ATRNL1: variants seen among roughly 807,000 people sequenced by gnomAD.
ATRNL1 encodes the protein attractin like 1.
Under a neutral mutation model 182.7 loss-of-function variants are expected in ATRNL1, and 95 were observed. That is an observed-to-expected ratio of 0.52 (90% CI 0.44 to 0.62). The LOEUF (loss-of-function observed/expected upper bound fraction) is 0.62. Ranked by LOEUF, ATRNL1 falls within the 20% of genes least tolerant of loss-of-function variation. The probability of loss-of-function intolerance (pLI) is 0.00; values close to 1 mark genes in which losing one functional copy is unlikely to be tolerated. For synonymous variants in ATRNL1, 576 were observed against 568.3 expected (o/e 1.01, Z -0.19); for missense variants, 1,471 against 1,679.5 (o/e 0.88, Z 2.17).
Position 115,278,925 on chromosome 10 carries a change from G to A in ATRNL1, c.2101-2430G>A, listed in dbSNP as rs570765238. 7.9e-5 allele frequency among the ~76,000 whole-genome samples: 12 copies of A among 152,032 alleles called. No individual in the cohort carries two copies. The South Asian group carries it at 1.7e-3, about 21-fold the overall frequency. On this transcript the variant is annotated intron_variant, in intron 13 of 28. Coordinates refer to ENST00000355044, the MANE Select transcript of ATRNL1 (RefSeq NM_207303.4). ...GAACATATAAGACTTGAGAGGGGCC[G>A]GGCACAGTGGCATACACCTGTAATC...
intron 5 of ATRNL1, among the ~76,000 whole-genome samples, chr10:115,156,562 A>G (rs1247828625): frequency 2.0e-5 from 3 of 152,128 alleles, no homozygotes; most frequent in Non-Finnish European, 4.4e-5. Flanking sequence ...TTTTCCCTTA[A>G]AAAATCTCTC....
intron 26 of ATRNL1, among the ~76,000 whole-genome samples, chr10:115,701,051 T>G (rs1467574834): frequency 6.6e-6 from 1 of 152,076 alleles, no homozygotes; most frequent in African/African-American, 2.4e-5. Context: ...AACCCCATGC[T>G]TGGTCATAAA....
At position 115,446,225 on chromosome 10, in the gene ATRNL1, A is replaced by G. The variant is rs544850723; in HGVS notation, c.3323-15716A>G. On this transcript the variant is annotated intron_variant, in intron 21 of 28. Coordinates refer to ENST00000355044, the MANE Select transcript of ATRNL1 (RefSeq NM_207303.4). ...ATTTTTCTGTGTATCATTTCTCTTG[A>G]GTGATTTTCATCTCTATTTCTATTT... Among the ~76,000 whole-genome samples the G allele has an allele frequency of 2.0e-5, 3 of 152,018 alleles. No homozygotes were observed. The East Asian group carries it at 5.8e-4, about 29-fold the overall frequency.
chr10:115,355,643 A>T (rs1426508514), intron 19 of ATRNL1, among the ~76,000 whole-genome samples: 2 of 151,986 alleles, frequency 1.3e-5, no homozygotes, highest in African/African-American at 2.4e-5. Flanking sequence ...TACAGACATT[A>T]AAAAAAATTC....
intron 27 of ATRNL1, 121 bp from the exon 28 acceptor site, chr10:115,847,756 C>T: frequency 1.6e-6 from 1 of 640,404 alleles, no homozygotes; most frequent in Non-Finnish European, 2.9e-6. Flanking sequence ...TAAAATAACA[C>T]ATGGTGTGTC....
At chr10:115,174,442 A>G (rs1275491561) in intron 8 of ATRNL1, among the ~76,000 whole-genome samples, 1 of 151,746 alleles carries the variant, frequency 6.6e-6, no homozygotes, top group African/African-American at 2.4e-5. Context: ...TCAACCTCCA[A>G]TTTATAGGAT....
intron 26 of ATRNL1, among the ~76,000 whole-genome samples, chr10:115,691,882 A>G (rs1442182427): frequency 6.6e-6 from 1 of 152,074 alleles, no homozygotes; most frequent in Non-Finnish European, 1.5e-5. Flanking sequence ...TACCAGGTAT[A>G]TAGTTTGCAA....
chr10:115,469,260 C>G lies in ATRNL1; in HGVS notation c.3585C>G (p.Asn1195Lys). The change falls in exon 24 of 29, where the codon AAC (asparagine) becomes AAG (lysine). Residue 1195 changes from asparagine to lysine, a missense_variant. Around this residue, in one of 3 missense-constraint regions of ATRNL1, gnomAD observed 437 missense variants for 506.0 expected, o/e 0.86. Transcript: ENST00000355044. ...ATAGTTTTTCCTATGAAAAATTTAACTTTAGAAGCAATCCTAACATTACAT... is the reference window on the plus strand; with the variant it reads ...ATAGTTTTTCCTATGAAAAATTTAAGTTTAGAAGCAATCCTAACATTACAT... ...YRDSFSYEKF[N>K]FRSNPNITFY... The G allele has an allele frequency of 6.6e-7, 1 of 1,522,836 alleles. No homozygotes were observed. The highest frequency in any genetic ancestry group is 8.8e-7 in the Non-Finnish European group (1 of 1,134,084). 94.3% of individuals were successfully genotyped at this position (1,522,836 alleles called of 1,614,324 possible). A position where few individuals can be genotyped will look rare whatever the true frequency, so the allele number is the denominator to read the frequency against.
At chr10:115,629,761 A>G (rs1181930723) in intron 26 of ATRNL1, among the ~76,000 whole-genome samples, 3 of 152,078 alleles carry the variant, frequency 2.0e-5, no homozygotes, top group Admixed American at 6.6e-5. Flanking sequence ...ACTCTTTATT[A>G]TAGTTTAAAC....
At chr10:115,369,198 T>G (rs1388938838) in intron 19 of ATRNL1, among the ~76,000 whole-genome samples, 1 of 151,074 alleles carries the variant, frequency 6.6e-6, no homozygotes, top group Admixed American at 6.6e-5. Flanking sequence ...TTATAAATAC[T>G]ATGTATATAA....
intron 27 of ATRNL1, among the ~76,000 whole-genome samples, chr10:115,843,277 A>G (rs1425389670): frequency 1.3e-5 from 2 of 152,094 alleles, no homozygotes; most frequent in Non-Finnish European, 2.9e-5. Flanking sequence ...GTGCTTGGAC[A>G]TTTCAAAGAG....
intron 26 of ATRNL1, among the ~76,000 whole-genome samples, chr10:115,629,837 T>G (rs1412493223): frequency 6.6e-6 from 1 of 152,082 alleles, no homozygotes; most frequent in Non-Finnish European, 1.5e-5. Context: ...TACATCTAAA[T>G]CGGATTGAGG....
At chr10:115,934,447 G>T (rs1439794828) in intron 28 of ATRNL1, among the ~76,000 whole-genome samples, 2 of 152,042 alleles carry the variant, frequency 1.3e-5, no homozygotes, top group Non-Finnish European at 2.9e-5. Context: ...TGACCTGCAG[G>T]TCACCAAATT....
At chr10:115,745,302 G>A (rs544777481) in intron 27 of ATRNL1, among the ~76,000 whole-genome samples, 49 of 152,096 alleles carry the variant, frequency 3.2e-4, no homozygotes, top group African/African-American at 1.1e-3. Context: ...ATGCCATTAC[G>A]TATCAGTAGT....
chr10:115,496,495 T>C (rs1245852259), intron 24 of ATRNL1, among the ~76,000 whole-genome samples: 1 of 152,196 alleles, frequency 6.6e-6, no homozygotes, highest in African/African-American at 2.4e-5. Flanking sequence ...CAGATGATTA[T>C]GTGGTTTTTG....
At chr10:115,727,643 C>T (rs967489784) in intron 27 of ATRNL1, among the ~76,000 whole-genome samples, 5 of 152,126 alleles carry the variant, frequency 3.3e-5, no homozygotes, top group Middle Eastern at 3.2e-3. Flanking sequence ...TAGGTATGAT[C>T]GAAGAAACAA....
intron 19 of ATRNL1, among the ~76,000 whole-genome samples, chr10:115,386,113 A>C (rs781809771): frequency 3.3e-5 from 5 of 152,130 alleles, no homozygotes; most frequent in Admixed American, 6.6e-5. Context: ...ATTGTATTGA[A>C]ATTTTATAAA....
At chr10:115,610,557 T>C (rs1857102811) in intron 26 of ATRNL1, among the ~76,000 whole-genome samples, 1 of 152,230 alleles carries the variant, frequency 6.6e-6, no homozygotes, top group African/African-American at 2.4e-5. Flanking sequence ...TAACCTTTAA[T>C]AGAGACAGAA....
intron 26 of ATRNL1, among the ~76,000 whole-genome samples, chr10:115,584,146 G>C (rs12356707): frequency 6.7e-6 from 1 of 149,044 alleles, no homozygotes; most frequent in Admixed American, 6.7e-5. Flanking sequence ...TGCTGGATTC[G>C]GTTTGCCAGT....
Sources: allele counts gnomAD v4.1 joint callset (sites outside exome capture counted in the v4.1 genomes callset), GRCh38; gene constraint gnomAD v4.1.1; regional missense constraint gnomAD v4.1.1; transcripts MANE v1.5; gene names NCBI Gene and HGNC (gene_info 2026-07-23, HGNC 2026-07-21).